NCKAP5: variants seen among roughly 807,000 people sequenced by gnomAD.
The protein encoded by NCKAP5 is nck-associated protein 5.
NCKAP5 carries 92 observed loss-of-function variants against 167.0 expected under a neutral mutation model. The ratio of observed to expected loss-of-function variants is 0.55; its 90% CI spans 0.47 to 0.66. The LOEUF (loss-of-function observed/expected upper bound fraction) is 0.66, where lower values mean the gene tolerates loss of function less well. Among genes scored for constraint, NCKAP5 ranks in the 30% least tolerant of loss-of-function variants. NCKAP5 has a pLI of 0.00. For synonymous variants in NCKAP5, 891 were observed against 877.4 expected, an observed-to-expected ratio of 1.02 and a Z score of -0.27; for missense variants, 2,378 against 2,315.0, an observed-to-expected ratio of 1.03 and a Z score of -0.56.
intron 6 of NCKAP5, among the ~76,000 whole-genome samples, chr2:133,019,790 G>A (rs1234293117): frequency 6.6e-6 from 1 of 152,204 alleles, no homozygotes; most frequent in Non-Finnish European, 1.5e-5. Flanking sequence ...TCATAATGGA[G>A]GATTAAAATT....
chr2:133,298,371 T>C (rs992355807), intron 4 of NCKAP5, among the ~76,000 whole-genome samples: 2 of 152,178 alleles, frequency 1.3e-5, no homozygotes, highest in African/African-American at 4.8e-5. Flanking sequence ...CCTCTGACAC[T>C]ATATATAAGG....
rs571699836 is a variant in NCKAP5 at position 133,549,261 on chromosome 2, C to T, written c.-62+9789G>A. Among the ~76,000 whole-genome samples the T allele has an allele frequency of 5.3e-4, 80 of 152,292 alleles. 1 individual carries two copies. Among genetic ancestry groups the T allele is most frequent in the African/African-American group, 1.9e-3 (79 of 41,544 alleles). On this transcript the variant is annotated intron_variant, in intron 2 of 19. Coordinates refer to ENST00000409261, the MANE Select transcript of NCKAP5 (RefSeq NM_207363.3). The stretch of plus-strand genomic sequence containing the variant: ...TGAGTGACCTACAAAGAGACTTAGA[C>T]TCCCACACATTAATAATGGCAGACT...
At chr2:133,320,555 C>T (rs139995921) in intron 3 of NCKAP5, among the ~76,000 whole-genome samples, 1,600 of 152,136 alleles carry the variant, frequency 0.011, 30 homozygotes, top group South Asian at 0.072. Context: ...GGTGAAACCC[C>T]GTCTCTACTA....
At chr2:133,614,940 C>A in the NCKAP5 span, among the ~76,000 whole-genome samples, 2 of 152,208 alleles carry the variant, frequency 1.3e-5, no homozygotes. Context: ...ATCAGACTAA[C>A]AGCGGATCTC....
chr2:133,119,284 G>A (rs1381611138), intron 6 of NCKAP5, among the ~76,000 whole-genome samples: 2 of 152,132 alleles, frequency 1.3e-5, no homozygotes, highest in East Asian at 1.9e-4. Flanking sequence ...GATTACAGAC[G>A]TGAGCCACCA....
intron 2 of NCKAP5, among the ~76,000 whole-genome samples, chr2:133,526,198 AGG>A (rs1341215454): frequency 1.5e-5 from 2 of 133,580 alleles, no homozygotes; most frequent in African/African-American, 6.2e-5. Flanking sequence ...GAAGGAAGGA[AGG>A]AAGGAAGGAA....
intron 17 of NCKAP5, among the ~76,000 whole-genome samples, chr2:132,730,558 A>T (rs1690898594): frequency 6.6e-6 from 1 of 152,230 alleles, no homozygotes; most frequent in African/African-American, 2.4e-5. Context: ...TATTAGCAGC[A>T]ACATCTGAAA....
At chr2:133,657,355 G>A in the NCKAP5 span, among the ~76,000 whole-genome samples, 19 of 152,284 alleles carry the variant, frequency 1.2e-4, no homozygotes, top group East Asian at 3.3e-3. Context: ...ATTGAAACTC[G>A]TTTAACATAT....
intron 6 of NCKAP5, among the ~76,000 whole-genome samples, chr2:133,111,634 A>G (rs1307441059): frequency 6.6e-6 from 1 of 152,194 alleles, no homozygotes; most frequent in African/African-American, 2.4e-5. Flanking sequence ...CATGATTCTC[A>G]TGGCAACAAG....
chr2:132,912,613 A>G (rs144772967), intron 8 of NCKAP5, among the ~76,000 whole-genome samples: 1 of 152,316 alleles, frequency 6.6e-6, no homozygotes, highest in Non-Finnish European at 1.5e-5. Flanking sequence ...CAAACCATGA[A>G]TCAGGTCCTT....
chr2:133,583,604 A>G, the NCKAP5 span, among the ~76,000 whole-genome samples: 202 of 152,304 alleles, frequency 1.3e-3, no homozygotes, highest in African/African-American at 4.7e-3. Flanking sequence ...GGAGTTTGTA[A>G]AAGTTCACAT....
chr2:133,063,414 C>T (rs529412289), intron 6 of NCKAP5, among the ~76,000 whole-genome samples: 6 of 152,218 alleles, frequency 3.9e-5, no homozygotes, highest in East Asian at 3.9e-4. Context: ...TTATATATGG[C>T]GAATCCATCT....
intron 3 of NCKAP5, among the ~76,000 whole-genome samples, chr2:133,464,444 C>G (rs1367642303): frequency 2.2e-3 from 1 of 448 alleles, no homozygotes; most frequent in Non-Finnish European, 4.6e-3. Context: ...TAATCCCAGC[C>G]CTTTGGGGGC....
intron 19 of NCKAP5, among the ~76,000 whole-genome samples, chr2:132,715,582 G>A (rs999017216): frequency 6.6e-6 from 1 of 152,260 alleles, no homozygotes; most frequent in East Asian, 1.9e-4. Context: ...CCTCCTCAGG[G>A]CACATGTTCT....
intron 3 of NCKAP5, among the ~76,000 whole-genome samples, chr2:133,352,112 G>A (rs903444741): frequency 2.6e-5 from 4 of 151,980 alleles, no homozygotes; most frequent in African/African-American, 9.7e-5. Flanking sequence ...TCTCCTTCAG[G>A]TATTCCCTCA....
chr2:133,352,451 C>T (rs1365947757), intron 3 of NCKAP5, among the ~76,000 whole-genome samples: 2 of 152,200 alleles, frequency 1.3e-5, no homozygotes, highest in African/African-American at 4.8e-5. Flanking sequence ...AAGAGCTGTC[C>T]TCCACATACA....
intron 3 of NCKAP5, among the ~76,000 whole-genome samples, chr2:133,305,265 G>C (rs900811455): frequency 6.6e-6 from 1 of 152,174 alleles, no homozygotes; most frequent in South Asian, 2.1e-4. Context: ...TGAGACTTTA[G>C]TATCAAAGAG....
chr2:133,366,434 C>G (rs577574250), intron 3 of NCKAP5, among the ~76,000 whole-genome samples: 1 of 152,182 alleles, frequency 6.6e-6, no homozygotes, highest in South Asian at 2.1e-4. Context: ...TCCCGAGTAG[C>G]TGGGATTACA....
At chr2:132,717,549 G>A (rs947494605) in intron 19 of NCKAP5, among the ~76,000 whole-genome samples, 2 of 152,144 alleles carry the variant, frequency 1.3e-5, no homozygotes, top group African/African-American at 2.4e-5. Flanking sequence ...GGATGGCAGC[G>A]TTTTTAAAAT....
Sources: gnomAD v4.1 joint callset for allele counts (sites outside exome capture counted in the v4.1 genomes callset) on GRCh38, gnomAD v4.1.1 for gene constraint, MANE v1.5 for transcripts, NCBI Gene and HGNC (gene_info 2026-07-23, HGNC 2026-07-21) for gene names.